PCDH9: variants seen among roughly 807,000 people sequenced by gnomAD.
PCDH9 encodes protocadherin-9.
Under a neutral mutation model 70.6 loss-of-function variants are expected in PCDH9, and 24 were observed. The observed-to-expected ratio is 0.34, with a 90% CI of 0.25 to 0.48. The LOEUF (loss-of-function observed/expected upper bound fraction) is 0.48. PCDH9 is among the 20% of genes least tolerant of loss of function. The probability of loss-of-function intolerance (pLI) is 0.99; values close to 1 mark genes in which losing one functional copy is unlikely to be tolerated. For missense variants in PCDH9, 1,281 were observed against 1,503.6 expected (o/e 0.85, Z 2.45); for synonymous variants, 562 against 558.5 (o/e 1.01, Z -0.09).
chr13:66,485,383 C>T (rs1417095328), intron 4 of PCDH9, among the ~76,000 whole-genome samples: 2 of 152,062 alleles, frequency 1.3e-5, no homozygotes, highest in South Asian at 2.1e-4. Flanking sequence ...TTGAGACTAT[C>T]GGCCATTAAG....
intron 4 of PCDH9, among the ~76,000 whole-genome samples, chr13:66,589,515 G>A (rs1005832584): frequency 6.6e-6 from 1 of 152,056 alleles, no homozygotes; most frequent in African/African-American, 2.4e-5. Context: ...CAATTAGAAA[G>A]TATAGAGCGG....
intron 4 of PCDH9, among the ~76,000 whole-genome samples, chr13:66,598,893 G>A (rs780913357): frequency 2.0e-5 from 3 of 151,830 alleles, no homozygotes; most frequent in Admixed American, 6.6e-5. Flanking sequence ...GCTTTGATTA[G>A]TACAGTGTAT....
intron 3 of PCDH9, among the ~76,000 whole-genome samples, chr13:66,750,460 G>C (rs2079440220): frequency 6.6e-6 from 1 of 151,930 alleles, no homozygotes; most frequent in African/African-American, 2.4e-5. Flanking sequence ...TGTAAAGAAA[G>C]CCTAAAATGT....
chr13:66,980,730 G>GTTTTTTTTTTTTT lies in PCDH9; in HGVS notation c.3037-77126_3037-77125insAAAAAAAAAAAAA. Among the ~76,000 whole-genome samples the GTTTTTTTTTTTTT allele has an allele frequency of 2.5e-3, 178 of 70,876 alleles. 7 individuals carry two copies. Among genetic ancestry groups the GTTTTTTTTTTTTT allele is most frequent in the Non-Finnish European group, 2.8e-3 (105 of 37,616 alleles). The allele number at this position is 70,876 out of a possible 152,430, so 46.5% of individuals were successfully genotyped here. The stretch of plus-strand genomic sequence containing the variant: ...TTTGTTTTTTCCTGTTTTTTTCTTT[G>GTTTTTTTTTTTTT]TTTTTTTTTTTGTTTTTTTTTTTAC... On this transcript the variant is annotated intron_variant, in intron 2 of 4. Transcript: ENST00000377865.
At chr13:66,904,069 A>T (rs899880421) in intron 2 of PCDH9, among the ~76,000 whole-genome samples, 1 of 151,904 alleles carries the variant, frequency 6.6e-6, no homozygotes, top group African/African-American at 2.4e-5. Context: ...GCCTTTTGGG[A>T]ACCATTCCCC....
At position 66,449,473 on chromosome 13, in the gene PCDH9, C is replaced by T. The variant is rs575028947; in HGVS notation, c.3341-144445G>A. ...ATCTGGACTTGATATTTTGTTCTGC[C>T]ACTCTTAGCTTTAGGACTAGGGGCT... On this transcript the variant is annotated intron_variant, in intron 4 of 4. Transcript: ENST00000377865. 3.3e-5 allele frequency among the ~76,000 whole-genome samples: 5 copies of T among 152,100 alleles called. No homozygotes were observed. The East Asian group carries it at 9.7e-4, about 29-fold the overall frequency.
Position 66,541,666 on chromosome 13 carries a change from G to A in PCDH9, c.3340+89544C>T, listed in dbSNP as rs9571592. 8.4e-4 allele frequency among the ~76,000 whole-genome samples: 128 copies of A among 152,036 alleles called. 1 individual carries two copies. The highest frequency in any genetic ancestry group is 7.4e-3 in the East Asian group (38 of 5,170). On this transcript the variant is annotated intron_variant, in intron 4 of 4. Coordinates refer to ENST00000377865, the MANE Select transcript of PCDH9 (RefSeq NM_203487.3). ...TCCAAGGGTTTGGCATTGGATTTAC[G>A]GACCACTCTAACCCAGTGTAACCTC...
chr13:66,715,607 A>G (rs2078857750), intron 3 of PCDH9, among the ~76,000 whole-genome samples: 4 of 152,194 alleles, frequency 2.6e-5, no homozygotes, highest in Admixed American at 2.6e-4. Flanking sequence ...GATGATACAC[A>G]TATATAATTC....
At chr13:67,038,197 T>C (rs2085046027) in intron 2 of PCDH9, among the ~76,000 whole-genome samples, 2 of 152,150 alleles carry the variant, frequency 1.3e-5, no homozygotes, top group East Asian at 1.9e-4. Flanking sequence ...AAATCACAAA[T>C]GCTTTAAAAC....
intron 2 of PCDH9, among the ~76,000 whole-genome samples, chr13:66,965,701 A>G (rs2139735570): frequency 6.6e-6 from 1 of 152,232 alleles, no homozygotes; most frequent in Admixed American, 6.5e-5. Flanking sequence ...TTATGAATAA[A>G]TGATTATCTT....
chr13:66,928,864 A>T (rs1009027469), intron 2 of PCDH9, among the ~76,000 whole-genome samples: 2 of 152,188 alleles, frequency 1.3e-5, no homozygotes, highest in Non-Finnish European at 2.9e-5. Context: ...GAGGGAAAAA[A>T]AAATGACTTT....
intron 4 of PCDH9, among the ~76,000 whole-genome samples, chr13:66,411,338 G>T (rs1957365609): frequency 6.6e-6 from 1 of 152,168 alleles, no homozygotes; most frequent in African/African-American, 2.4e-5. Flanking sequence ...CCAGGCTGGA[G>T]TGCAGTAATG....
chr13:66,997,879 A>G (rs1178351844), intron 2 of PCDH9, among the ~76,000 whole-genome samples: 1 of 152,128 alleles, frequency 6.6e-6, no homozygotes, highest in Admixed American at 6.6e-5. Context: ...AAAACAACCA[A>G]ACCATATCAG....
chr13:66,953,502 CA>C (rs770281470), intron 2 of PCDH9, among the ~76,000 whole-genome samples: 140 of 152,152 alleles, frequency 9.2e-4, no homozygotes, highest in South Asian at 2.3e-3. Flanking sequence ...AAACTTCCTA[CA>C]AAAAAAGGCA....
chr13:67,018,336 T>C (rs1472710989), intron 2 of PCDH9, among the ~76,000 whole-genome samples: 3 of 151,898 alleles, frequency 2.0e-5, no homozygotes, highest in South Asian at 2.1e-4. Context: ...TGACTTAAGA[T>C]ACAGCCAGGC....
chr13:66,531,892 T>C (rs913025763), intron 4 of PCDH9, among the ~76,000 whole-genome samples: 1 of 152,174 alleles, frequency 6.6e-6, no homozygotes, highest in Non-Finnish European at 1.5e-5. Flanking sequence ...ACTTAAGTTC[T>C]CTTGGCTGCA....
chr13:66,401,351 GTT>G lies in PCDH9; in HGVS notation c.3341-96325_3341-96324del, dbSNP rs5804280. Among the ~76,000 whole-genome samples the G allele has an allele frequency of 4.6e-3, 689 of 150,746 alleles. 3 individuals are homozygous for G. The highest frequency in any genetic ancestry group is 0.01 in the East Asian group (53 of 5,070). The stretch of plus-strand genomic sequence containing the variant: ...ATCATGGGATCTGATGGTTTTATGA[GTT>G]TTTTTTTCCCCCCCTTTGCTCATTC... On this transcript the variant is annotated intron_variant, in intron 4 of 4. Coordinates refer to ENST00000377865, the MANE Select transcript of PCDH9 (RefSeq NM_203487.3).
chr13:66,650,942 G>T (rs2077842854), intron 3 of PCDH9, among the ~76,000 whole-genome samples: 2 of 151,872 alleles, frequency 1.3e-5, no homozygotes, highest in Non-Finnish European at 2.9e-5. Flanking sequence ...ACCAGGGGGT[G>T]AGTGAAGAAA....
At chr13:66,984,853 A>G (rs1345757847) in intron 2 of PCDH9, among the ~76,000 whole-genome samples, 1 of 152,110 alleles carries the variant, frequency 6.6e-6, no homozygotes, top group Non-Finnish European at 1.5e-5. Flanking sequence ...TGGGCTTTTA[A>G]TAATTTCCTA....
Sources: allele counts gnomAD v4.1 joint callset (sites outside exome capture counted in the v4.1 genomes callset), GRCh38; gene constraint gnomAD v4.1.1; transcripts MANE v1.5; gene names NCBI Gene and HGNC (gene_info 2026-07-23, HGNC 2026-07-21).